Variants in CCDC39 observed in about 807,000 individuals in gnomAD.
The protein encoded by CCDC39 is coiled-coil domain 39 molecular ruler complex subunit, also known as coiled-coil domain-containing protein 39.
CCDC39 carries 113 observed loss-of-function variants against 121.0 expected under a neutral mutation model. The observed-to-expected ratio is 0.93, with a 90% CI of 0.80 to 1.09. CCDC39 has a LOEUF of 1.09. CCDC39 is among the 50% of genes least tolerant of loss of function. CCDC39 has a pLI of 0.00. For missense variants in CCDC39, 1,063 were observed against 1,074.7 expected, an observed-to-expected ratio of 0.99 and a Z score of 0.15; for synonymous variants, 349 against 352.2, an observed-to-expected ratio of 0.99 and a Z score of 0.10.
Position 180,614,225 on chromosome 3 carries a change from T to G in CCDC39, c.*696A>C, listed in dbSNP as rs1226378135. On this transcript the variant is annotated 3_prime_UTR_variant, in exon 20 of 20. Coordinates refer to ENST00000476379, the MANE Select transcript of CCDC39 (RefSeq NM_181426.2). ...TTAAATCAAGAAAATTTCAAAATTG[T>G]TTATACTTGGTTGGCTGTATCTGAA... 6.1e-6 allele frequency: 1 copy of G among 163,336 alleles called. No homozygotes were observed. The highest frequency in any genetic ancestry group is 2.4e-5 in the African/African-American group (1 of 41,522). 10.1% of individuals were successfully genotyped at this position (163,336 alleles called of 1,614,324 possible). A position where few individuals can be genotyped will look rare whatever the true frequency, so the allele number is the denominator to read the frequency against.
intron 8 of CCDC39, 69 bp from the exon 9 acceptor site, chr3:180,651,602 T>C: frequency 2.2e-6 from 3 of 1,366,240 alleles, no homozygotes; most frequent in Non-Finnish European, 9.7e-7. Flanking sequence ...CAAATAATAG[T>C]TTATCCTAAT....
At chr3:180,618,402 A>C (rs1717328898) in intron 16 of CCDC39, among the ~76,000 whole-genome samples, 1 of 152,052 alleles carries the variant, frequency 6.6e-6, no homozygotes, top group Admixed American at 6.6e-5. Context: ...GCCTGCTTAC[A>C]AGGCACTTTT....
chr3:180,677,250 T>G (rs1405156202), intron 1 of CCDC39, among the ~76,000 whole-genome samples: 1 of 116,618 alleles, frequency 8.6e-6, no homozygotes, highest in Non-Finnish European at 1.7e-5. Context: ...CTTGCAACAA[T>G]CATTTGAGGA....
Position 180,661,876 on chromosome 3 carries a change from CT to C in CCDC39, c.341del (p.Lys114ArgfsTer19). 3 of 1,584,038 alleles carry C rather than the reference CT, an allele frequency of 1.9e-6. No individual in the cohort carries two copies. The highest frequency in any genetic ancestry group is 2.6e-6 in the Non-Finnish European group (3 of 1,163,382). Reference sequence around the variant, plus strand: ...CAACATATACTTCTTTATCACTTTTCTTTTCCAGTATTGAAGCCATCTCATT... The same window carrying C: ...CAACATATACTTCTTTATCACTTTTCTTTCCAGTATTGAAGCCATCTCATT... The part of the protein sequence containing the change: ...LENEMASILE[K>X]KSDKENGIFK... On this transcript the variant is annotated frameshift_variant, in exon 3 of 20. Coordinates refer to ENST00000476379, the MANE Select transcript of CCDC39 (RefSeq NM_181426.2). LOFTEE classifies it high-confidence loss of function.
chr3:180,621,654 G>A (rs1440671135), intron 14 of CCDC39, among the ~76,000 whole-genome samples: 1 of 151,870 alleles, frequency 6.6e-6, no homozygotes, highest in African/African-American at 2.4e-5. Context: ...ATGGAGGTTT[G>A]GTGTACAGAT....
intron 12 of CCDC39, among the ~76,000 whole-genome samples, chr3:180,643,378 A>G (rs1038531289): frequency 6.6e-6 from 1 of 152,240 alleles, no homozygotes; most frequent in South Asian, 2.1e-4. Context: ...AATATGGAAC[A>G]TGACATAACA....
At chr3:180,623,156 T>C (rs1181931496) in intron 14 of CCDC39, among the ~76,000 whole-genome samples, 1 of 150,758 alleles carries the variant, frequency 6.6e-6, no homozygotes, top group South Asian at 2.1e-4. Flanking sequence ...TTATTCGGGA[T>C]TTTTGTTTCT....
intron 6 of CCDC39, among the ~76,000 whole-genome samples, chr3:180,655,547 AAAAAAG>A (rs1711560022): frequency 2.0e-5 from 3 of 152,094 alleles, no homozygotes; most frequent in African/African-American, 4.8e-5. Context: ...GGAAGAAAAA[AAAAAAG>A]AAAAAGAAAA....
rs756870084 is a variant in CCDC39 at position 180,616,570 on chromosome 3, A to G, written c.2532T>C (p.Asp844=). 43 of 1,600,706 alleles carry G rather than the reference A, an allele frequency of 2.7e-5. No individual in the cohort carries two copies. Among genetic ancestry groups the G allele is most frequent in the Non-Finnish European group, 3.4e-5 (40 of 1,174,030 alleles). The part of the protein sequence containing the change: ...FHKVIDEMLV[D]IIEENTEIRI... ...GGATCTCAGTATTTTCTTCTATGATATCAACTAACATTTCATCAATAACTT... is the reference window on the plus strand; with the variant it reads ...GGATCTCAGTATTTTCTTCTATGATGTCAACTAACATTTCATCAATAACTT... Residue 844 remains aspartate, a synonymous_variant, in exon 18 of 20, where the codon GAT becomes GAC. Coordinates refer to ENST00000476379, the MANE Select transcript of CCDC39 (RefSeq NM_181426.2).
At position 180,614,795 on chromosome 3, in the gene CCDC39, ATCAGTTTTTACAC is replaced by A; in HGVS notation, c.*113_*125del. 5.4e-6 allele frequency: 4 copies of A among 743,898 alleles called. No individual in the cohort carries two copies. Among genetic ancestry groups the A allele is most frequent in the Non-Finnish European group, 8.2e-6 (4 of 487,800 alleles). The allele number at this position is 743,898 out of a possible 1,614,324, so 46.1% of individuals were successfully genotyped here. ...AGAACGTTCCTTTTTTTTTAAAACTATCAGTTTTTACACTTACCACTAAGTTTTTACACTTTCC... is the reference window on the plus strand; with the variant it reads ...AGAACGTTCCTTTTTTTTTAAAACTATTACCACTAAGTTTTTACACTTTCC... On this transcript the variant is annotated 3_prime_UTR_variant, in exon 20 of 20. Coordinates refer to ENST00000476379, the MANE Select transcript of CCDC39 (RefSeq NM_181426.2).
chr3:180,621,657 G>A (rs1717435446), intron 14 of CCDC39, among the ~76,000 whole-genome samples: 1 of 151,992 alleles, frequency 6.6e-6, no homozygotes, highest in African/African-American at 2.4e-5. Context: ...GAGGTTTGGT[G>A]TACAGATTTT....
intron 13 of CCDC39, among the ~76,000 whole-genome samples, chr3:180,635,874 T>C (rs1304926089): frequency 6.6e-6 from 1 of 152,218 alleles, no homozygotes; most frequent in African/African-American, 2.4e-5. Flanking sequence ...TCTTAATAGA[T>C]CTATAAAAGG....
chr3:180,679,329 G>A lies in CCDC39; in HGVS notation c.52C>T (p.Pro18Ser), dbSNP rs374101424. The A allele has an allele frequency of 2.3e-5, 37 of 1,613,862 alleles. No individual in the cohort carries two copies. Among genetic ancestry groups the A allele is most frequent in the Non-Finnish European group, 3.1e-5 (37 of 1,179,836 alleles). The change falls in exon 1 of 20, where the codon CCG becomes TCG. Residue 18 changes from proline to serine, a missense_variant. Pro to Ser is a moderately conservative substitution (Grantham distance 74, BLOSUM62 -1). Transcript: ENST00000476379. This position sits in a 1 kb window ranked among gnomAD's most constrained non-coding sequence, Gnocchi z 4.0. ...ELHWEDGFAI[P>S]VANEENKLLE... ...AGCTTGTTCTCCTCGTTCGCCACCG[G>A]GATGGCGAACCCATCCTCCCAGTGC...
At chr3:180,630,920 AGAG>A (rs754986303) in intron 14 of CCDC39, among the ~76,000 whole-genome samples, 17 of 152,172 alleles carry the variant, frequency 1.1e-4, no homozygotes, top group East Asian at 7.7e-4. Context: ...TTTAAAATTC[AGAG>A]GTGGTGTAGC....
At chr3:180,654,660 C>T in intron 7 of CCDC39, 102 bp downstream of exon 7, 2 of 358,950 alleles carry the variant, frequency 5.6e-6, no homozygotes. Flanking sequence ...AAAAAAAAAA[C>T]TAGAAGTAGT....
Position 180,641,919 on chromosome 3 carries a change from T to G in CCDC39, c.1874+74A>C, listed in dbSNP as rs150570010. On this transcript the variant is annotated intron_variant, in intron 13 of 19. Transcript: ENST00000476379. Reference sequence around the variant, plus strand: ...TAAAAACGATGCACATCCGGGATGTTAGAGGGGGCAGCTAGTTCTCCTGAC... The same window carrying G: ...TAAAAACGATGCACATCCGGGATGTGAGAGGGGGCAGCTAGTTCTCCTGAC... 1.0e-3 allele frequency: 1,064 copies of G among 1,065,050 alleles called. 4 individuals are homozygous for G. In the African/African-American group the frequency reaches 0.016, roughly 16 times the overall value. The allele number at this position is 1,065,050 out of a possible 1,614,324, so 66.0% of individuals were successfully genotyped here.
intron 2 of CCDC39, 54 bp downstream of exon 2, chr3:180,663,811 CTA>C (rs1161113185): frequency 6.5e-7 from 1 of 1,546,610 alleles, no homozygotes; most frequent in Non-Finnish European, 8.9e-7. Context: ...TGTAAATATA[CTA>C]TGAGATGTTC....
chr3:180,650,685 C>T (rs1415121382), intron 9 of CCDC39, among the ~76,000 whole-genome samples: 1 of 151,598 alleles, frequency 6.6e-6, no homozygotes, highest in South Asian at 2.1e-4. Flanking sequence ...GGTGAAACCC[C>T]ATCTCTACTA....
chr3:180,654,649 A>C (rs1241010311), intron 7 of CCDC39, 113 bp downstream of exon 7: 1 of 687,268 alleles, frequency 1.5e-6, no homozygotes, highest in Non-Finnish European at 2.1e-6. Context: ...AAAAAGGAAA[A>C]AAAAAAAAAA....
Sources: gnomAD v4.1 joint callset for allele counts (sites outside exome capture counted in the v4.1 genomes callset) on GRCh38, gnomAD v4.1.1 for gene constraint, Gnocchi (gnomAD v3.1) non-coding constraint, MANE v1.5 for transcripts, NCBI Gene and HGNC (gene_info 2026-07-23, HGNC 2026-07-21) for gene names.